RAPH1: variants seen among roughly 807,000 people sequenced by gnomAD.
RAPH1 encodes ras-associated and pleckstrin homology domains-containing protein 1.
A neutral mutation model predicts 88.1 loss-of-function variants in RAPH1; 18 were observed. The observed-to-expected ratio is 0.20, with a 90% CI of 0.14 to 0.30. RAPH1 has a LOEUF of 0.30. RAPH1 is among the 10% of genes least tolerant of loss of function. RAPH1 has a pLI of 1.00. For synonymous variants in RAPH1, 587 were observed against 559.0 expected, an observed-to-expected ratio of 1.05 and a Z score of -0.71; for missense variants, 1,448 against 1,543.2, an observed-to-expected ratio of 0.94 and a Z score of 1.03.
Position 203,434,281 on chromosome 2 carries a change from C to T in RAPH1, c.*5156G>A, listed in dbSNP as rs1201411704. On this transcript the variant is annotated 3_prime_UTR_variant, in exon 14 of 14. Coordinates refer to ENST00000319170, the MANE Select transcript of RAPH1 (RefSeq NM_213589.3). ...CTTCATGCTTTAAAAAAGTATACTTCTACATTGTATCTACCTATGGCAAAG... is the reference window on the plus strand; with the variant it reads ...CTTCATGCTTTAAAAAAGTATACTTTTACATTGTATCTACCTATGGCAAAG... 2.0e-5 allele frequency: 3 copies of T among 152,510 alleles called. No homozygotes were observed. Among genetic ancestry groups the T allele is most frequent in the Non-Finnish European group, 2.9e-5 (2 of 68,018 alleles). The allele number at this position is 152,510 out of a possible 1,614,324, so 9.4% of individuals were successfully genotyped here. A position where few individuals can be genotyped will look rare whatever the true frequency, so the allele number is the denominator to read the frequency against.
At chr2:203,456,880 G>A (rs888759669) in intron 8 of RAPH1, among the ~76,000 whole-genome samples, 3 of 152,042 alleles carry the variant, frequency 2.0e-5, no homozygotes, top group Admixed American at 1.3e-4. Context: ...AATAATTTGT[G>A]AACAGCTAAT....
At chr2:203,452,068 G>A (rs2098515386) in intron 10 of RAPH1, among the ~76,000 whole-genome samples, 1 of 152,190 alleles carries the variant, frequency 6.6e-6, no homozygotes, top group Non-Finnish European at 1.5e-5. Context: ...AGAATAAGCT[G>A]ATATGCGGGA....
intron 9 of RAPH1, 151 bp from the exon 10 acceptor site, chr2:203,454,691 AT>A (rs2098517807): frequency 5.0e-6 from 3 of 598,578 alleles, no homozygotes; most frequent in Non-Finnish European, 8.7e-6. Context: ...GAGATGCTCC[AT>A]AAATGTTTCT....
At chr2:203,464,422 C>T (rs2245883) in intron 4 of RAPH1, among the ~76,000 whole-genome samples, 1 of 152,118 alleles carries the variant, frequency 6.6e-6, no homozygotes, top group African/African-American at 2.4e-5. Flanking sequence ...CAGATGCCCG[C>T]CACCATGCCC....
intron 4 of RAPH1, among the ~76,000 whole-genome samples, chr2:203,485,520 C>T (rs980768309): frequency 3.3e-5 from 5 of 151,936 alleles, no homozygotes; most frequent in African/African-American, 9.7e-5. Context: ...TCCATATACA[C>T]TCACCAACAG....
rs1343869438 is a variant in RAPH1 at position 203,461,340 on chromosome 2, T to C, written c.879A>G (p.Val293=). The part of the protein sequence containing the change: ...KTMMVDERQT[V]RQVLDNLMDK... Reference sequence around the variant, plus strand: ...CCATCAGGTTATCCAGTACTTGTCTTACTGTCTGCCTCTCATCCACCATCA... The same window carrying C: ...CCATCAGGTTATCCAGTACTTGTCTCACTGTCTGCCTCTCATCCACCATCA... The change falls in exon 6 of 14, where the codon GTA becomes GTG. Residue 293 remains valine (V), a synonymous_variant. Transcript: ENST00000319170. The C allele has an allele frequency of 6.2e-7, 1 of 1,610,862 alleles. No individual in the cohort carries two copies. The highest frequency in any genetic ancestry group is 1.3e-5 in the African/African-American group (1 of 74,806).
At chr2:203,453,545 C>CAAAAAAAAAAAAAA (rs59304139) in intron 10 of RAPH1, among the ~76,000 whole-genome samples, 1 of 28,270 alleles carries the variant, frequency 3.5e-5, no homozygotes, top group African/African-American at 1.2e-4. Flanking sequence ...GACCCTGCCT[C>CAAAAAAAAAAAAAA]AAAAAAAAAA....
chr2:203,468,978 C>T (rs2098530885), intron 4 of RAPH1, among the ~76,000 whole-genome samples: 1 of 152,150 alleles, frequency 6.6e-6, no homozygotes, highest in South Asian at 2.1e-4. Context: ...TGTCAGCATC[C>T]TAAACAGAAA....
chr2:203,507,676 A>G (rs1263287498), intron 1 of RAPH1, among the ~76,000 whole-genome samples: 1 of 152,194 alleles, frequency 6.6e-6, no homozygotes, highest in Non-Finnish European at 1.5e-5. Context: ...CCAAGAAACA[A>G]AGAAAGGCTA....
At chr2:203,453,078 A>C (rs1416680603) in intron 10 of RAPH1, among the ~76,000 whole-genome samples, 1 of 152,248 alleles carries the variant, frequency 6.6e-6, no homozygotes. Flanking sequence ...TCTTAGCATT[A>C]TTAAATAATT....
At chr2:203,518,539 C>CA (rs60376098) in intron 1 of RAPH1, among the ~76,000 whole-genome samples, 85,364 of 146,534 alleles carry the variant, frequency 0.58, 25,711 homozygotes, top group East Asian at 0.8. Context: ...AACAAAAAAA[C>CA]AAAAAAAAAA....
chr2:203,516,583 T>C (rs1393867366), intron 1 of RAPH1, among the ~76,000 whole-genome samples: 1 of 152,096 alleles, frequency 6.6e-6, no homozygotes, highest in African/African-American at 2.4e-5. Flanking sequence ...ACCCCGTCTC[T>C]ACTGAAAATA....
chr2:203,438,012 A>T lies in RAPH1; in HGVS notation c.*1425T>A, dbSNP rs1436388618. On this transcript the variant is annotated 3_prime_UTR_variant, in exon 14 of 14. Transcript: ENST00000319170. ...TTCTCTCATGTACCAAGGAAAATTC[A>T]CAGAAAAAAGCATATAGAAGTATAG... The T allele has an allele frequency of 2.7e-6, 1 of 371,228 alleles. No individual in the cohort carries two copies. Among genetic ancestry groups the T allele is most frequent in the Non-Finnish European group, 5.3e-6 (1 of 187,158 alleles). 23.0% of individuals were successfully genotyped at this position (371,228 alleles called of 1,614,324 possible).
At chr2:203,483,399 G>C (rs1392453880) in intron 4 of RAPH1, among the ~76,000 whole-genome samples, 2 of 152,214 alleles carry the variant, frequency 1.3e-5, no homozygotes, top group African/African-American at 2.4e-5. Flanking sequence ...TGGATTGAAA[G>C]GGAGGTAGAA....
At chr2:203,533,320 A>G (rs1690471469) in intron 1 of RAPH1, 1 of 152,222 alleles carries the variant, frequency 6.6e-6, no homozygotes, top group Admixed American at 6.5e-5. Context: ...AAATTATACA[A>G]AATGTCTAAC....
chr2:203,462,428 T>C, intron 4 of RAPH1, among the ~76,000 whole-genome samples: 1 of 152,198 alleles, frequency 6.6e-6, no homozygotes. Context: ...TTTACAACCA[T>C]ATAAAAACCC....
chr2:203,505,838 C>G (rs573961982), intron 1 of RAPH1, among the ~76,000 whole-genome samples: 3 of 152,268 alleles, frequency 2.0e-5, no homozygotes, highest in African/African-American at 7.2e-5. Flanking sequence ...TATACACACA[C>G]GCGCGCGCAC....
At chr2:203,455,700 A>C in intron 8 of RAPH1, 120 bp from the exon 9 acceptor site, 1 of 915,328 alleles carries the variant, frequency 1.1e-6, no homozygotes, top group Non-Finnish European at 1.7e-6. Flanking sequence ...ATTAAAACCA[A>C]GCTGCTAATT....
intron 1 of RAPH1, among the ~76,000 whole-genome samples, chr2:203,516,053 G>A (rs572268432): frequency 3.9e-5 from 6 of 152,244 alleles, no homozygotes; most frequent in South Asian, 4.2e-4. Context: ...CTTATGTATA[G>A]ATAATATATA....
Sources: gnomAD v4.1 joint callset for allele counts (sites outside exome capture counted in the v4.1 genomes callset) on GRCh38, gnomAD v4.1.1 for gene constraint, MANE v1.5 for transcripts, NCBI Gene and HGNC (gene_info 2026-07-23, HGNC 2026-07-21) for gene names.